Variants in PER2 observed in about 807,000 individuals in gnomAD.
The protein encoded by PER2 is period circadian protein homolog 2.
Under a neutral mutation model 121.0 loss-of-function variants are expected in PER2, and 66 were observed. That is an observed-to-expected ratio of 0.55 (90% CI 0.45 to 0.67). The LOEUF is 0.67. PER2 is among the 30% of genes least tolerant of loss of function. The probability of loss-of-function intolerance (pLI) is 0.00; values close to 1 mark genes in which losing one functional copy is unlikely to be tolerated. For missense variants in PER2, 1,521 were observed against 1,635.0 expected (o/e 0.93, Z 1.20); for synonymous variants, 684 against 659.9 (o/e 1.04, Z -0.56).
rs555529502 is a variant in PER2 at position 238,277,614 on chromosome 2, T to C, written c.230+93A>G. ...ATCTTGAAAAACTTGGTAATCATGA[T>C]TTAAAGATTGCAAAAGCAATCAAAT... On this transcript the variant is annotated intron_variant, in intron 2 of 22. Transcript: ENST00000254657. 1.8e-5 allele frequency: 26 copies of C among 1,425,870 alleles called. No individual in the cohort carries two copies. The East Asian group carries it at 3.5e-4, about 19-fold the overall frequency. The allele number at this position is 1,425,870 out of a possible 1,614,324, so 88.3% of individuals were successfully genotyped here. A position where few individuals can be genotyped will look rare whatever the true frequency, so the allele number is the denominator to read the frequency against.
chr2:238,282,000 C>T (rs1317739147), intron 1 of PER2, among the ~76,000 whole-genome samples: 2 of 152,204 alleles, frequency 1.3e-5, no homozygotes, highest in East Asian at 3.8e-4. Flanking sequence ...AGACTGGTCC[C>T]CTGCCTCCAC....
chr2:238,261,577 C>T (rs1159399155), intron 12 of PER2, 152 bp downstream of exon 12: 1 of 687,564 alleles, frequency 1.5e-6, no homozygotes. Flanking sequence ...CTAGCACAGT[C>T]TATGCCCAAA....
At chr2:238,260,589 C>T (rs571177067) in intron 13 of PER2, among the ~76,000 whole-genome samples, 3 of 152,316 alleles carry the variant, frequency 2.0e-5, no homozygotes, top group South Asian at 2.1e-4. Context: ...GTTAAATCTT[C>T]ACTTTTGCTT....
rs80156481 is a variant in PER2, at chr2:238,260,944, G to T, written c.1426C>A (p.His476Asn). The change falls in exon 13 of 23, where the codon CAC (histidine) becomes AAC (asparagine). Residue 476 changes from histidine to asparagine, a missense_variant. By Grantham distance (68) the His-to-Asn change is moderately conservative (BLOSUM62 1). Transcript: ENST00000254657. ...IHRLLLQPVP[H>N]SGSSGYGSLG... ...CTCCCGTAGCCACTGGAGCCGCTGTGGGGGACGGGCTGGGGAGACAGCAGA... is the reference window on the plus strand; with the variant it reads ...CTCCCGTAGCCACTGGAGCCGCTGTTGGGGACGGGCTGGGGAGACAGCAGA... 4,927 of 1,613,118 alleles carry T rather than the reference G, an allele frequency of 3.1e-3. 16 individuals carry two copies. The highest frequency in any genetic ancestry group is 3.9e-3 in the Non-Finnish European group (4,634 of 1,179,970).
At chr2:238,262,390 G>C (rs1463343246) in intron 10 of PER2, 46 bp from the exon 11 acceptor site, 2 of 1,594,814 alleles carry the variant, frequency 1.3e-6, no homozygotes, top group African/African-American at 2.7e-5. Context: ...GGAGCAAACA[G>C]GATTTATAGT....
In PER2 at chr2:238,253,840, G is replaced by A. The variant is rs185478600; in HGVS notation, c.2321-138C>T. On this transcript the variant is annotated intron_variant, in intron 18 of 22. Coordinates refer to ENST00000254657, the MANE Select transcript of PER2 (RefSeq NM_022817.3). This position sits in a 1 kb window ranked among gnomAD's most constrained non-coding sequence, Gnocchi z 5.6. ...ACCGAGCGGTTTTCCCTGATCCTCA[G>A]TGAAGTGAGAAAAATCAGGGCAAAA... is the stretch of plus-strand genomic sequence containing the variant. The A allele has an allele frequency of 1.5e-4, 100 of 674,948 alleles. No individual in the cohort carries two copies. Among genetic ancestry groups the A allele is most frequent in the East Asian group, 1.5e-3 (54 of 36,878 alleles). The allele number at this position is 674,948 out of a possible 1,614,324, so 41.8% of individuals were successfully genotyped here. A position where few individuals can be genotyped will look rare whatever the true frequency, so the allele number is the denominator to read the frequency against.
rs1696174103 is a variant in PER2 at position 238,268,277 on chromosome 2, C to A, written c.825-79G>T. The A allele has an allele frequency of 1.4e-6, 2 of 1,450,456 alleles. No homozygotes were observed. Among genetic ancestry groups the A allele is most frequent in the African/African-American group, 2.8e-5 (2 of 71,762 alleles). The allele number at this position is 1,450,456 out of a possible 1,614,324, so 89.8% of individuals were successfully genotyped here. On this transcript the variant is annotated intron_variant, in intron 7 of 22. Coordinates refer to ENST00000254657, the MANE Select transcript of PER2 (RefSeq NM_022817.3). The surrounding 1 kb of genome is among the most constrained non-coding windows in gnomAD (Gnocchi z 4.0). ...CTGTTCTGTTCCCTCCTCACCTGGG[C>A]CCCATGCCATGCTGCAGGTGATGTG...
chr2:238,276,357 G>A lies in PER2; in HGVS notation c.294-460C>T, dbSNP rs367985302. Among the ~76,000 whole-genome samples, 182 of 152,358 alleles carry A rather than the reference G, an allele frequency of 1.2e-3. 2 individuals are homozygous for A. In the South Asian group the frequency reaches 0.034, roughly 28 times the overall value. On this transcript the variant is annotated intron_variant, in intron 3 of 22. Coordinates refer to ENST00000254657, the MANE Select transcript of PER2 (RefSeq NM_022817.3). Reference sequence around the variant, plus strand: ...AAATTGTTCCTGGTCAAGAGTCACCGCTCTAACCCAACTGAATGCTGGAGA... The same window carrying A: ...AAATTGTTCCTGGTCAAGAGTCACCACTCTAACCCAACTGAATGCTGGAGA...
intron 3 of PER2, among the ~76,000 whole-genome samples, chr2:238,276,321 C>T (rs561929050): frequency 6.9e-4 from 105 of 152,360 alleles, no homozygotes; most frequent in Non-Finnish European, 1.1e-3. Context: ...AGATGTTTCT[C>T]GCTGGGAGAC....
At chr2:238,255,469 C>A in intron 18 of PER2, 188 bp downstream of exon 18, 1 of 671,704 alleles carries the variant, frequency 1.5e-6, no homozygotes, top group Non-Finnish European at 2.7e-6. Context: ...AAGCTGACAT[C>A]CCGAGAGCAC....
intron 9 of PER2, among the ~76,000 whole-genome samples, chr2:238,264,676 G>A (rs566362285): frequency 6.6e-6 from 1 of 152,258 alleles, no homozygotes; most frequent in Non-Finnish European, 1.5e-5. Context: ...CTAGGCTGGA[G>A]TGCAGTGGTG....
intron 13 of PER2, 70 bp from the exon 14 acceptor site, chr2:238,260,123 G>A (rs1695883273): frequency 1.4e-6 from 1 of 715,724 alleles, no homozygotes; most frequent in South Asian, 1.6e-5. Flanking sequence ...GGCAAAGTGA[G>A]AACAGAGGAT....
At chr2:238,265,950 C>G (rs1048585266) in intron 8 of PER2, among the ~76,000 whole-genome samples, 22 of 151,090 alleles carry the variant, frequency 1.5e-4, no homozygotes, top group Admixed American at 2.6e-4. Context: ...GTTGCCCAGG[C>G]TGCAGTGCAG....
At chr2:238,300,006 C>G in the PER2 span, 2 of 152,248 alleles carry the variant, frequency 1.3e-5, no homozygotes, top group Non-Finnish European at 2.9e-5. Context: ...GACGCTGGTT[C>G]TTCGCAGTGT....
upstream of PER2, among the ~76,000 whole-genome samples, chr2:238,291,828 C>T (rs997532490): frequency 3.3e-5 from 5 of 152,206 alleles, no homozygotes; most frequent in Admixed American, 2.0e-4. Flanking sequence ...GAGACAAGGA[C>T]AACTTGCCTC....
chr2:238,249,278 C>A, intron 21 of PER2, 66 bp from the exon 22 acceptor site: 5 of 1,465,402 alleles, frequency 3.4e-6, no homozygotes, highest in Non-Finnish European at 4.7e-6. Context: ...TTTATTCTTT[C>A]AGAATAATGT....
chr2:238,296,781 G>C, the PER2 span, among the ~76,000 whole-genome samples: 2 of 152,276 alleles, frequency 1.3e-5, no homozygotes, highest in East Asian at 3.9e-4. Flanking sequence ...GGCGGCCCCA[G>C]GGGGGGTTCC....
intron 1 of PER2, among the ~76,000 whole-genome samples, chr2:238,283,881 C>G (rs1161049294): frequency 6.6e-6 from 1 of 152,204 alleles, no homozygotes; most frequent in Non-Finnish European, 1.5e-5. Flanking sequence ...CTGGTCCTTT[C>G]TGCTCTGAGT....
Position 238,249,151 on chromosome 2 carries a change from G to A in PER2, c.3529C>T (p.Pro1177Ser). ...EKLKLLQKLQ[P>S]RFTESQKQEL... ...TGCTTCTGACTCTCCGTGAACCTGG[G>A]CTGGAGTTTCTGTAGGAGCTTCAGC... The change falls in exon 22 of 23, where the codon CCC (proline) becomes TCC (serine). Residue 1177 changes from proline to serine, a missense_variant. Transcript: ENST00000254657. 1 of 1,614,068 alleles carries A rather than the reference G, an allele frequency of 6.2e-7. No individual in the cohort carries two copies. The highest frequency in any genetic ancestry group is 8.5e-7 in the Non-Finnish European group (1 of 1,179,908).
Sources: allele counts gnomAD v4.1 joint callset (sites outside exome capture counted in the v4.1 genomes callset), GRCh38; gene constraint gnomAD v4.1.1; non-coding constraint Gnocchi (gnomAD v3.1); transcripts MANE v1.5; gene names NCBI Gene and HGNC (gene_info 2026-07-23, HGNC 2026-07-21).